RUNX3: variants seen among roughly 807,000 people sequenced by gnomAD.
The protein encoded by RUNX3 is RUNX family transcription factor 3.
In RUNX3, 10 loss-of-function variants were observed where a neutral mutation model predicts 27.7. The ratio of observed to expected loss-of-function variants is 0.36; its 90% confidence interval spans 0.22 to 0.61. The LOEUF is 0.61. Ranked by LOEUF, RUNX3 falls within the 20% of genes least tolerant of loss-of-function variation. RUNX3 has a pLI of 0.72. For synonymous variants in RUNX3, 270 were observed against 269.2 expected (o/e 1.00, Z -0.03); for missense variants, 469 against 629.5 (o/e 0.75, Z 2.73).
rs564641242 is a variant in RUNX3 at position 24,904,340 on chromosome 1, C to T, written c.704-1674G>A. Among the ~76,000 whole-genome samples, 18 of 152,188 alleles carry T rather than the reference C, an allele frequency of 1.2e-4. No individual in the cohort carries two copies. The highest frequency in any genetic ancestry group is 4.1e-4 in the African/African-American group (17 of 41,450). On this transcript the variant is annotated intron_variant, in intron 4 of 4. Coordinates refer to ENST00000308873, the MANE Select transcript of RUNX3 (RefSeq NM_004350.3). This position sits in a 1 kb window ranked among gnomAD's most constrained non-coding sequence, Gnocchi z 5.7. ...AGCTGGGGTATGTTTCCCTCAGCAG[C>T]GTACTCTGGCCCTGGGCGTGGATCC...
rs115609725 is a variant in RUNX3 at position 24,940,613 on chromosome 1, G to A, written c.59-10761C>T. Among the ~76,000 whole-genome samples, 1,126 of 152,254 alleles carry A rather than the reference G, an allele frequency of 7.4e-3. 8 individuals carry two copies. The highest frequency in any genetic ancestry group is 0.02 in the African/African-American group (829 of 41,556). On this transcript the variant is annotated intron_variant, in intron 2 of 6. Coordinates refer to the RUNX3 transcript ENST00000338888. Reference sequence around the variant, plus strand: ...GAGAATAGTTAATACAAAAATCATAGCTAGGCGTGGTAACTTGTGTCTGTA... The same window carrying A: ...GAGAATAGTTAATACAAAAATCATAACTAGGCGTGGTAACTTGTGTCTGTA...
intron 2 of RUNX3, among the ~76,000 whole-genome samples, chr1:24,960,056 C>G (rs1021942959): frequency 3.9e-5 from 6 of 152,222 alleles, no homozygotes; most frequent in Admixed American, 3.3e-4. Context: ...TCTCTCTTTC[C>G]CAAGGCTGGG....
upstream of RUNX3, among the ~76,000 whole-genome samples, chr1:24,934,839 G>A (rs540694473): frequency 2.1e-4 from 32 of 152,290 alleles, no homozygotes; most frequent in African/African-American, 7.5e-4. Flanking sequence ...ATTGTGATGG[G>A]GAGAGGGAGC....
At chr1:24,928,665 C>G in intron 1 of RUNX3, 1 of 191,440 alleles carries the variant, frequency 5.2e-6, no homozygotes, top group South Asian at 7.6e-5. Context: ...TCCGATCTGA[C>G]GATTAAAGTC....
At chr1:24,908,819 G>T (rs1226126403) in intron 3 of RUNX3, among the ~76,000 whole-genome samples, 1 of 152,186 alleles carries the variant, frequency 6.6e-6, no homozygotes, top group Non-Finnish European at 1.5e-5. Flanking sequence ...AATGGGAGGT[G>T]GCCCCAGGAG....
Position 24,904,544 on chromosome 1 carries a change from G to T in RUNX3, c.704-1878C>A, listed in dbSNP as rs549434931. 7.6e-4 allele frequency among the ~76,000 whole-genome samples: 116 copies of T among 152,324 alleles called. 1 individual carries two copies. Among genetic ancestry groups the T allele is most frequent in the African/African-American group, 2.7e-3 (114 of 41,574 alleles). Reference sequence around the variant, plus strand: ...GTTTTCATCTGGGGAGCCCCTCGGGGGGAGAGGTCCTGTTGCAGGTGCTGG... The same window carrying T: ...GTTTTCATCTGGGGAGCCCCTCGGGTGGAGAGGTCCTGTTGCAGGTGCTGG... On this transcript the variant is annotated intron_variant, in intron 4 of 4. Coordinates refer to ENST00000308873, the MANE Select transcript of RUNX3 (RefSeq NM_004350.3). The surrounding 1 kb of genome is among the most constrained non-coding windows in gnomAD (Gnocchi z 5.7).
chr1:24,948,533 A>C (rs558388677), intron 2 of RUNX3, among the ~76,000 whole-genome samples: 55 of 151,586 alleles, frequency 3.6e-4, no homozygotes, highest in African/African-American at 1.2e-3. Flanking sequence ...GGGCACATGC[A>C]GGGAAGGGGT....
chr1:24,928,269 A>T (rs1641138941), intron 1 of RUNX3, among the ~76,000 whole-genome samples: 1 of 152,244 alleles, frequency 6.6e-6, no homozygotes, highest in African/African-American at 2.4e-5. Context: ...ATGCAGAGAA[A>T]ATGCAGAATG....
rs1356494153 is a variant in RUNX3 at position 24,953,331 on chromosome 1, G to A, written c.58+11183C>T. ...AGTGAGTGCGATTGCGCCACTGCAC[G>A]CCAGCCTGGGCGACAGAGCCAGACT... On this transcript the variant is annotated intron_variant, in intron 2 of 6. Transcript: ENST00000338888. 2.7e-4 allele frequency among the ~76,000 whole-genome samples: 33 copies of A among 121,764 alleles called. 1 individual carries two copies. Among genetic ancestry groups the A allele is most frequent in the Non-Finnish European group, 4.6e-4 (29 of 63,090 alleles). 79.9% of individuals were successfully genotyped at this position (121,764 alleles called of 152,430 possible). A position where few individuals can be genotyped will look rare whatever the true frequency, so the allele number is the denominator to read the frequency against.
At chr1:24,947,424 G>GGC in intron 2 of RUNX3, among the ~76,000 whole-genome samples, 1 of 152,320 alleles carries the variant, frequency 6.6e-6, no homozygotes, top group Middle Eastern at 3.4e-3. Context: ...CTAGGCCTGT[G>GGC]GCGGCTCTGA....
At chr1:24,960,681 CCCAGGGGGTGCA>C (rs1467400296) in intron 2 of RUNX3, among the ~76,000 whole-genome samples, 4 of 152,012 alleles carry the variant, frequency 2.6e-5, no homozygotes, top group Non-Finnish European at 5.9e-5. Context: ...GGGGGGGTGC[CCCAGGGGGTGCA>C]GAGGAGGGCC....
chr1:24,947,103 G>A (rs1012897139), intron 2 of RUNX3, among the ~76,000 whole-genome samples: 2 of 152,116 alleles, frequency 1.3e-5, no homozygotes, highest in African/African-American at 2.4e-5. Context: ...GTGTCCTCAC[G>A]GTAACCCTGA....
chr1:24,926,035 G>C (rs1341625121), intron 2 of RUNX3, among the ~76,000 whole-genome samples: 1 of 152,238 alleles, frequency 6.6e-6, no homozygotes, highest in Admixed American at 6.5e-5. Flanking sequence ...CCAGGAGAGA[G>C]AGTGGGAAGG....
intron 2 of RUNX3, among the ~76,000 whole-genome samples, chr1:24,958,972 C>T (rs1240964549): frequency 6.6e-6 from 1 of 152,206 alleles, no homozygotes; most frequent in African/African-American, 2.4e-5. Flanking sequence ...GGGGCTGCCC[C>T]ACTGAACCCA....
At chr1:24,964,393 G>A in intron 2 of RUNX3, 1 of 787,512 alleles carries the variant, frequency 1.3e-6, no homozygotes, top group Non-Finnish European at 2.2e-6. Flanking sequence ...GGCTTTCAGA[G>A]GCCAGCGGAT....
rs549064842 is a variant in RUNX3 at position 24,962,503 on chromosome 1, T to C, written c.58+2011A>G. ...ATTGGCAGCTGGAGCCCTGTAAGCC[T>C]CCAGGGATGGGATTTGGGAGACAGG... On this transcript the variant is annotated intron_variant, in intron 2 of 6. Transcript: ENST00000338888. The surrounding 1 kb of genome is among the most constrained non-coding windows in gnomAD (Gnocchi z 4.5). Among the ~76,000 whole-genome samples, 1 of 152,184 alleles carries C rather than the reference T, an allele frequency of 6.6e-6. No homozygotes were observed. The highest frequency in any genetic ancestry group is 6.5e-5 in the Admixed American group (1 of 15,282).
upstream of RUNX3, among the ~76,000 whole-genome samples, chr1:24,930,901 C>A (rs1334105533): frequency 1.3e-5 from 2 of 152,180 alleles, no homozygotes; most frequent in Non-Finnish European, 2.9e-5. This position sits in a 1 kb window ranked among gnomAD's most constrained non-coding sequence, Gnocchi z 4.1. Flanking sequence ...TGTGCCAAAC[C>A]GGGGACAGGC....
In RUNX3 at chr1:24,927,107, G is replaced by T. The variant is rs1641113622; in HGVS notation, c.439+467C>A. Among the ~76,000 whole-genome samples, 8 of 152,298 alleles carry T rather than the reference G, an allele frequency of 5.3e-5. No homozygotes were observed. In the South Asian group the frequency reaches 1.7e-3, roughly 32 times the overall value. Reference sequence around the variant, plus strand: ...AAAGGCGCTGGGAAACTGGGTCTGGGAGACCACAGCTGGAGAGACAGCCTC... The same window carrying T: ...AAAGGCGCTGGGAAACTGGGTCTGGTAGACCACAGCTGGAGAGACAGCCTC... On this transcript the variant is annotated intron_variant, in intron 2 of 4. Coordinates refer to ENST00000308873, the MANE Select transcript of RUNX3 (RefSeq NM_004350.3). The surrounding 1 kb of genome is among the most constrained non-coding windows in gnomAD (Gnocchi z 5.0).
Position 24,916,941 on chromosome 1 carries a change from G to A in RUNX3, c.544+2299C>T, listed in dbSNP as rs1640901645. ...ATTTACCTTCCAGCTCACCCCAGAAGGGGCCATCTCAGGTCTGGGAGACCC... is the reference window on the plus strand; with the variant it reads ...ATTTACCTTCCAGCTCACCCCAGAAAGGGCCATCTCAGGTCTGGGAGACCC... On this transcript the variant is annotated intron_variant, in intron 3 of 4. Transcript: ENST00000308873. The surrounding 1 kb of genome is among the most constrained non-coding windows in gnomAD (Gnocchi z 4.8). 2.0e-5 allele frequency among the ~76,000 whole-genome samples: 3 copies of A among 152,302 alleles called. No homozygotes were observed. Among genetic ancestry groups the A allele is most frequent in the South Asian group, 4.1e-4 (2 of 4,826 alleles).
Sources: gnomAD v4.1 joint callset for allele counts (sites outside exome capture counted in the v4.1 genomes callset) on GRCh38, gnomAD v4.1.1 for gene constraint, Gnocchi (gnomAD v3.1) non-coding constraint, MANE v1.5 for transcripts, NCBI Gene and HGNC (gene_info 2026-07-23, HGNC 2026-07-21) for gene names.